Variants in TMC6 observed in about 807,000 individuals in gnomAD.
The protein encoded by TMC6 is transmembrane channel-like protein 6.
TMC6 carries 71 observed loss-of-function variants against 95.4 expected under a neutral mutation model. That is an observed-to-expected ratio of 0.74 (90% CI 0.61 to 0.91). The LOEUF (loss-of-function observed/expected upper bound fraction) is 0.91, where lower values mean the gene tolerates loss of function less well. TMC6 is among the 40% of genes least tolerant of loss of function. The probability of loss-of-function intolerance (pLI) is 0.00; values close to 1 mark genes in which losing one functional copy is unlikely to be tolerated. For synonymous variants in TMC6, 514 were observed against 483.1 expected (o/e 1.06, Z -0.84); for missense variants, 1,074 against 1,079.1 (o/e 1.00, Z 0.07).
chr17:78,113,648 G>A lies in TMC6; in HGVS notation c.2278-24C>T, dbSNP rs1490638789. 7 of 1,611,760 alleles carry A rather than the reference G, an allele frequency of 4.3e-6. No individual in the cohort carries two copies. In the Admixed American group the frequency reaches 1.2e-4, roughly 27 times the overall value. On this transcript the variant is annotated intron_variant, in intron 18 of 19. Coordinates refer to ENST00000590602, the MANE Select transcript of TMC6 (RefSeq NM_001127198.5). ...TCCTAGAAAGGCCAGAACACAAAGGGGAGGAGAAATCATCCATCAGCCCAT... is the reference window on the plus strand; with the variant it reads ...TCCTAGAAAGGCCAGAACACAAAGGAGAGGAGAAATCATCCATCAGCCCAT...
chr17:78,132,124 C>T, upstream of TMC6: 1 of 1,518,938 alleles, frequency 6.6e-7, no homozygotes. Context: ...CACCTGCCTT[C>T]ACCCGGGTCC....
Position 78,124,153 on chromosome 17 carries a change from G to A in TMC6, c.918C>T (p.Tyr306=). ...GCGTGGCGTTACTGTAGTGGCCGTA[G>A]TACATGACGGTGTGGGTGAAGCAAC... ...GAGCFTHTVM[Y]YGHYSNATLN... Residue 306 remains tyrosine, a synonymous_variant, in exon 9 of 20, where the codon TAC becomes TAT. Transcript: ENST00000590602. 6.2e-7 allele frequency: 1 copy of A among 1,612,154 alleles called. No individual in the cohort carries two copies. The highest frequency in any genetic ancestry group is 2.2e-5 in the East Asian group (1 of 44,882).
intron 18 of TMC6, among the ~76,000 whole-genome samples, chr17:78,116,133 C>T (rs570722209): frequency 4.7e-4 from 71 of 151,996 alleles, no homozygotes; most frequent in East Asian, 7.7e-4. Flanking sequence ...GACGCCACCA[C>T]GCCCAGCTGA....
At position 78,118,046 on chromosome 17, in the gene TMC6, C is replaced by T. The variant is rs527814201; in HGVS notation, c.1888-111G>A. 857 of 1,523,290 alleles carry T rather than the reference C, an allele frequency of 5.6e-4. 13 individuals carry two copies. The South Asian group carries it at 9.6e-3, about 17-fold the overall frequency. The allele number at this position is 1,523,290 out of a possible 1,614,324, so 94.4% of individuals were successfully genotyped here. A position where few individuals can be genotyped will look rare whatever the true frequency, so the allele number is the denominator to read the frequency against. On this transcript the variant is annotated intron_variant, in intron 15 of 19. Coordinates refer to ENST00000590602, the MANE Select transcript of TMC6 (RefSeq NM_001127198.5). ...ACCAGGGCTGTGCGTCCAGGCAGAG[C>T]CTGGACCCTGCTCCCTGCAGCCTCC...
chr17:78,121,386 G>A lies in TMC6; in HGVS notation c.1383+170C>T, dbSNP rs1023153996. Among the ~76,000 whole-genome samples the A allele has an allele frequency of 6.6e-6, 1 of 152,174 alleles. No homozygotes were observed. Among genetic ancestry groups the A allele is most frequent in the Non-Finnish European group, 1.5e-5 (1 of 68,018 alleles). ...AAATAAAACCGTGAGACAGGACAAGGGGCTGAGAAGTGGGGCTCGGAGGGG... is the reference window on the plus strand; with the variant it reads ...AAATAAAACCGTGAGACAGGACAAGAGGCTGAGAAGTGGGGCTCGGAGGGG... On this transcript the variant is annotated intron_variant, in intron 11 of 19. Transcript: ENST00000590602. This position sits in a 1 kb window ranked among gnomAD's most constrained non-coding sequence, Gnocchi z 5.6.
At chr17:78,132,009 G>A (rs954490437), upstream of TMC6, 9 of 1,532,624 alleles carry the variant, frequency 5.9e-6, no homozygotes, top group African/African-American at 8.2e-5. Flanking sequence ...GCTCTGGGAG[G>A]GGGCGCTCTA....
At chr17:78,124,435 C>T (rs558373088) in intron 8 of TMC6, 89 bp downstream of exon 8, 38 of 1,576,266 alleles carry the variant, frequency 2.4e-5, no homozygotes, top group Non-Finnish European at 3.2e-5. Flanking sequence ...GGGTTGGGGG[C>T]CCCAGGGGAG....
At chr17:78,118,211 C>A (rs908800374) in intron 15 of TMC6, 5 of 554,088 alleles carry the variant, frequency 9.0e-6, no homozygotes, top group African/African-American at 1.9e-5. Context: ...TCAGTCCCCA[C>A]TGGAACATGG....
intron 18 of TMC6, chr17:78,114,036 A>T: frequency 3.1e-6 from 1 of 318,428 alleles, no homozygotes; most frequent in Non-Finnish European, 6.1e-6. Flanking sequence ...AACTGTCATC[A>T]ACTTCGTGGC....
chr17:78,121,255 G>A lies in TMC6; in HGVS notation c.1384-91C>T, dbSNP rs1598852286. On this transcript the variant is annotated intron_variant, in intron 11 of 19. Coordinates refer to ENST00000590602, the MANE Select transcript of TMC6 (RefSeq NM_001127198.5). This position sits in a 1 kb window ranked among gnomAD's most constrained non-coding sequence, Gnocchi z 5.6. ...GGAAGGGCCCGGGGTGGAACTGGCA[G>A]GTAGCACCTCCCTCCTCCAAGATCT... is the stretch of plus-strand genomic sequence containing the variant. 1.3e-6 allele frequency: 2 copies of A among 1,526,146 alleles called. No individual in the cohort carries two copies. The highest frequency in any genetic ancestry group is 2.7e-5 in the African/African-American group (2 of 72,742). 94.5% of individuals were successfully genotyped at this position (1,526,146 alleles called of 1,614,324 possible). A position where few individuals can be genotyped will look rare whatever the true frequency, so the allele number is the denominator to read the frequency against.
At position 78,126,829 on chromosome 17, in the gene TMC6, C is replaced by A; in HGVS notation, c.4G>T (p.Ala2Ser). 1 of 1,612,048 alleles carries A rather than the reference C, an allele frequency of 6.2e-7. No individual in the cohort carries two copies. The highest frequency in any genetic ancestry group is 1.1e-5 in the South Asian group (1 of 90,978). M[A>S]QPLAFILDVP... Reference sequence around the variant, plus strand: ...TCGAGGATGAAGGCCAGTGGCTGGGCCATGTCTCTGGCCAATGCCCGCTAG... The same window carrying A: ...TCGAGGATGAAGGCCAGTGGCTGGGACATGTCTCTGGCCAATGCCCGCTAG... Residue 2 changes from alanine (A) to serine (S), a missense_variant, in exon 2 of 20, where the codon GCC (alanine) becomes TCC (serine). Transcript: ENST00000590602.
chr17:78,125,313 C>T (rs987121792), intron 5 of TMC6, 50 bp from the exon 6 acceptor site: 10 of 1,507,644 alleles, frequency 6.6e-6, no homozygotes, highest in African/African-American at 4.1e-5. Context: ...CCCCTCCCTG[C>T]AGCCCGAAGC....
In TMC6 at chr17:78,121,249, C is replaced by A. The variant is rs2074399763; in HGVS notation, c.1384-85G>T. 5.9e-6 allele frequency: 9 copies of A among 1,533,984 alleles called. No homozygotes were observed. In the South Asian group the frequency reaches 6.0e-5, roughly 10 times the overall value. ...CTACAGGGAAGGGCCCGGGGTGGAACTGGCAGGTAGCACCTCCCTCCTCCA... is the reference window on the plus strand; with the variant it reads ...CTACAGGGAAGGGCCCGGGGTGGAAATGGCAGGTAGCACCTCCCTCCTCCA... On this transcript the variant is annotated intron_variant, in intron 11 of 19. Transcript: ENST00000590602. The surrounding 1 kb of genome is among the most constrained non-coding windows in gnomAD (Gnocchi z 5.6).
At position 78,109,578 on chromosome 17, in the gene TMC6, C is replaced by G. The variant is rs1295783400; in HGVS notation, c.*3570G>C. On this transcript the variant is annotated 3_prime_UTR_variant, in exon 20 of 20. Coordinates refer to ENST00000590602, the MANE Select transcript of TMC6 (RefSeq NM_001127198.5). ...CCCAGGAGGTCGAGGCTGCAGTGAGCTGTGATCGTGCCACTGTGCTCCGGG... is the reference window on the plus strand; with the variant it reads ...CCCAGGAGGTCGAGGCTGCAGTGAGGTGTGATCGTGCCACTGTGCTCCGGG... 2.2e-6 allele frequency: 1 copy of G among 456,110 alleles called. No homozygotes were observed. The highest frequency in any genetic ancestry group is 2.0e-5 in the African/African-American group (1 of 49,962). 28.3% of individuals were successfully genotyped at this position (456,110 alleles called of 1,614,324 possible).
chr17:78,119,989 T>G (rs1420331134), intron 13 of TMC6: 1 of 384,260 alleles, frequency 2.6e-6, no homozygotes. Flanking sequence ...TATTATTAAA[T>G]TCATATATTC....
At position 78,121,283 on chromosome 17, in the gene TMC6, C is replaced by A; in HGVS notation, c.1384-119G>T. ...AGCACCTCCCTCCTCCAAGATCTGG[C>A]CCTCCCCAGGCCTCAAGTTCAAACC... On this transcript the variant is annotated intron_variant, in intron 11 of 19. Transcript: ENST00000590602. The surrounding 1 kb of genome is among the most constrained non-coding windows in gnomAD (Gnocchi z 5.6). 1 of 1,476,670 alleles carries A rather than the reference C, an allele frequency of 6.8e-7. No individual in the cohort carries two copies. The highest frequency in any genetic ancestry group is 9.1e-7 in the Non-Finnish European group (1 of 1,095,966). The allele number at this position is 1,476,670 out of a possible 1,614,324, so 91.5% of individuals were successfully genotyped here.
chr17:78,126,026 G>T, intron 4 of TMC6, 142 bp from the exon 5 acceptor site: 1 of 1,277,192 alleles, frequency 7.8e-7, no homozygotes, highest in Non-Finnish European at 1.1e-6. Context: ...AGGCACCACT[G>T]CATTCCGAAA....
At position 78,124,561 on chromosome 17, in the gene TMC6, G is replaced by A. The variant is rs1346749221; in HGVS notation, c.854C>T (p.Ala285Val). Residue 285 changes from alanine (A) to valine (V), a missense_variant, in exon 8 of 20, where the codon GCC becomes GTC. Transcript: ENST00000590602. Reference protein sequence around the residue: ...VAFPPALPGPAPVCTGLELLT... With the variant: ...VAFPPALPGPVPVCTGLELLT... ...GAGCTCCAGGCCTGTGCAGACGGGG[G>A]CAGGGCCCGGCAGGGCGGGTGGGAA... 2 of 1,611,800 alleles carry A rather than the reference G, an allele frequency of 1.2e-6. No individual in the cohort carries two copies. Among genetic ancestry groups the A allele is most frequent in the South Asian group, 1.1e-5 (1 of 91,024 alleles).
Position 78,122,430 on chromosome 17 carries a change from A to T in TMC6, c.1227+175T>A. 1 of 934,822 alleles carries T rather than the reference A, an allele frequency of 1.1e-6. No individual in the cohort carries two copies. Among genetic ancestry groups the T allele is most frequent in the Non-Finnish European group, 1.6e-6 (1 of 637,400 alleles). 57.9% of individuals were successfully genotyped at this position (934,822 alleles called of 1,614,324 possible). A position where few individuals can be genotyped will look rare whatever the true frequency, so the allele number is the denominator to read the frequency against. On this transcript the variant is annotated intron_variant, in intron 10 of 19. Transcript: ENST00000590602. This position sits in a 1 kb window ranked among gnomAD's most constrained non-coding sequence, Gnocchi z 4.9. ...ATGGGTGTGTGCCAGAGAAAAACTC[A>T]GGGCCTGCCCGTCACTGCAAGCAGA...
Sources: gnomAD v4.1 joint callset for allele counts (sites outside exome capture counted in the v4.1 genomes callset) on GRCh38, gnomAD v4.1.1 for gene constraint, Gnocchi (gnomAD v3.1) non-coding constraint, MANE v1.5 for transcripts, NCBI Gene and HGNC (gene_info 2026-07-23, HGNC 2026-07-21) for gene names.